Variants in ELAC1 observed in about 807,000 individuals in gnomAD.
The protein encoded by ELAC1 is elaC ribonuclease Z 1, also known as zinc phosphodiesterase ELAC protein 1.
Under a neutral mutation model 25.8 loss-of-function variants are expected in ELAC1, and 19 were observed. The ratio of observed to expected loss-of-function variants is 0.74; its 90% confidence interval spans 0.51 to 1.08. ELAC1 has a LOEUF of 1.08. ELAC1 is among the 50% of genes least tolerant of loss of function. The probability of loss-of-function intolerance (pLI) is 0.00; values close to 1 mark genes in which losing one functional copy is unlikely to be tolerated. For synonymous variants in ELAC1, 148 were observed against 160.9 expected (o/e 0.92, Z 0.61); for missense variants, 403 against 434.6 (o/e 0.93, Z 0.65).
chr18:50,971,912 G>GTGTGTA (rs1368489485), intron 1 of ELAC1, among the ~76,000 whole-genome samples: 1 of 76,542 alleles, frequency 1.3e-5, no homozygotes, highest in African/African-American at 4.9e-5. Flanking sequence ...GTGTGTGTGT[G>GTGTGTA]TATATATATA....
chr18:50,968,456 C>G (rs1214073758), intron 1 of ELAC1: 2 of 152,310 alleles, frequency 1.3e-5, no homozygotes, highest in Non-Finnish European at 2.9e-5. Context: ...ACAGCGATAT[C>G]TGCCCTAGGC....
rs906385715 is a variant in ELAC1, at chr18:50,987,450, C to T, written c.*365C>T. The T allele has an allele frequency of 4.0e-5, 7 of 174,596 alleles. No individual in the cohort carries two copies. The highest frequency in any genetic ancestry group is 3.0e-4 in the East Asian group (2 of 6,580). 10.8% of individuals were successfully genotyped at this position (174,596 alleles called of 1,614,324 possible). A position where few individuals can be genotyped will look rare whatever the true frequency, so the allele number is the denominator to read the frequency against. The stretch of plus-strand genomic sequence containing the variant: ...GGCAAAGAGCACAGGACTCAGCCCT[C>T]GTGGCTAAAAATGGTATTTTGGCAG... On this transcript the variant is annotated 3_prime_UTR_variant, in exon 4 of 4. Coordinates refer to ENST00000269466, the MANE Select transcript of ELAC1 (RefSeq NM_018696.3).
chr18:50,979,950 C>T (rs1178904447), intron 2 of ELAC1, among the ~76,000 whole-genome samples: 5 of 152,086 alleles, frequency 3.3e-5, no homozygotes, highest in African/African-American at 7.2e-5. Context: ...AGGCTGATGT[C>T]AAACTCCTGA....
Position 50,974,010 on chromosome 18 carries a change from C to T in ELAC1, c.-8-387C>T, listed in dbSNP as rs893197115. Among the ~76,000 whole-genome samples, 6 of 152,192 alleles carry T rather than the reference C, an allele frequency of 3.9e-5. 1 individual carries two copies. Among genetic ancestry groups the T allele is most frequent in the South Asian group, 4.1e-4 (2 of 4,830 alleles). On this transcript the variant is annotated intron_variant, in intron 1 of 3. Transcript: ENST00000269466. ...TCTGTCTTACTGTATCATACAGAATCGTTTCACTGCCTTAAACATCCCCTG... is the reference window on the plus strand; with the variant it reads ...TCTGTCTTACTGTATCATACAGAATTGTTTCACTGCCTTAAACATCCCCTG...
At chr18:50,979,553 G>A (rs984640523) in intron 2 of ELAC1, among the ~76,000 whole-genome samples, 1 of 152,154 alleles carries the variant, frequency 6.6e-6, no homozygotes, top group Non-Finnish European at 1.5e-5. Context: ...GTCCCATAAA[G>A]TAATCGCATT....
chr18:50,978,603 C>G (rs911286164), intron 2 of ELAC1, among the ~76,000 whole-genome samples: 41 of 152,012 alleles, frequency 2.7e-4, no homozygotes, highest in African/African-American at 9.9e-4. Context: ...AGCTACAGTT[C>G]AAGATGAGAT....
chr18:50,984,712 A>T, intron 3 of ELAC1, 149 bp downstream of exon 3: 1 of 643,638 alleles, frequency 1.6e-6, no homozygotes, highest in South Asian at 2.0e-5. Flanking sequence ...TGGGAGGATC[A>T]CTTGAGTTCG....
At position 50,987,023 on chromosome 18, in the gene ELAC1, G is replaced by T; in HGVS notation, c.1030G>T (p.Asp344Tyr). Reference protein sequence around the residue: ...ELKKQAESVLDLQEVTLAEDF... With the variant: ...ELKKQAESVLYLQEVTLAEDF... Reference sequence around the variant, plus strand: ...AAAAAAGCAAGCTGAATCAGTGTTAGATCTCCAAGAAGTGACTCTAGCAGA... The same window carrying T: ...AAAAAAGCAAGCTGAATCAGTGTTATATCTCCAAGAAGTGACTCTAGCAGA... The change falls in exon 4 of 4, where the codon GAT (aspartate) becomes TAT (tyrosine). Residue 344 changes from aspartate to tyrosine, a missense_variant. Transcript: ENST00000269466. 6.2e-7 allele frequency: 1 copy of T among 1,602,468 alleles called. No homozygotes were observed. Among genetic ancestry groups the T allele is most frequent in the Non-Finnish European group, 8.5e-7 (1 of 1,175,468 alleles).
Position 50,983,171 on chromosome 18 carries a change from T to G in ELAC1, c.158-925T>G, listed in dbSNP as rs1334475453. On this transcript the variant is annotated intron_variant, in intron 2 of 3. Transcript: ENST00000269466. ...TTACTTGGTGTTTTTTTTTTTTTTT[T>G]TTTTTTTTTTGAGACAGTTTCGCTC... Among the ~76,000 whole-genome samples the G allele has an allele frequency of 1.1e-4, 16 of 141,788 alleles. No individual in the cohort carries two copies. In the East Asian group the frequency reaches 3.3e-3, roughly 29 times the overall value. The allele number at this position is 141,788 out of a possible 152,430, so 93.0% of individuals were successfully genotyped here. A position where few individuals can be genotyped will look rare whatever the true frequency, so the allele number is the denominator to read the frequency against.
chr18:50,971,920 A>G (rs1245906470), intron 1 of ELAC1, among the ~76,000 whole-genome samples: 17 of 141,254 alleles, frequency 1.2e-4, no homozygotes, highest in Non-Finnish European at 2.2e-4. Context: ...GTGTATATAT[A>G]TATATATATA....
At chr18:50,979,401 C>G (rs1287256501) in intron 2 of ELAC1, among the ~76,000 whole-genome samples, 2 of 152,074 alleles carry the variant, frequency 1.3e-5, no homozygotes, top group African/African-American at 2.4e-5. Context: ...TTGGCAGAAC[C>G]CTTACAGTGG....
chr18:50,984,633 A>G, intron 3 of ELAC1, 70 bp downstream of exon 3: 1 of 1,164,750 alleles, frequency 8.6e-7, no homozygotes. Flanking sequence ...CTGAAGCTAT[A>G]AGAAATGTCA....
At position 50,984,319 on chromosome 18, in the gene ELAC1, A is replaced by C; in HGVS notation, c.381A>C (p.Ala127=). 6.2e-7 allele frequency: 1 copy of C among 1,614,222 alleles called. No homozygotes were observed. The highest frequency in any genetic ancestry group is 8.5e-7 in the Non-Finnish European group (1 of 1,180,026). The stretch of plus-strand genomic sequence containing the variant: ...TGGTTCATGAACTGGTTCCTACAGC[A>C]GATCAATGTCCTGCAGAAGAACTAA... ...HYVVHELVPT[A]DQCPAEELKE... Residue 127 remains alanine, a synonymous_variant, in exon 3 of 4, where the codon GCA becomes GCC. Transcript: ENST00000269466.
chr18:50,970,888 C>G (rs1330498396), intron 1 of ELAC1, among the ~76,000 whole-genome samples: 3 of 151,928 alleles, frequency 2.0e-5, no homozygotes, highest in East Asian at 1.9e-4. Context: ...ATCAGACTTT[C>G]TCTGTCTTAC....
At chr18:50,985,391 A>G (rs879863282) in intron 3 of ELAC1, among the ~76,000 whole-genome samples, 1 of 152,252 alleles carries the variant, frequency 6.6e-6, no homozygotes, top group African/African-American at 2.4e-5. Flanking sequence ...CCAGTTTTAG[A>G]TATCAGGGTT....
chr18:50,983,744 C>T (rs12607231), intron 2 of ELAC1, among the ~76,000 whole-genome samples: 50,357 of 148,850 alleles, frequency 0.34, 8,890 homozygotes, highest in East Asian at 0.41. Context: ...GTCCTAGCTA[C>T]TTGGGAGGCT....
At chr18:50,978,789 A>G (rs1354483817) in intron 2 of ELAC1, among the ~76,000 whole-genome samples, 1 of 152,184 alleles carries the variant, frequency 6.6e-6, no homozygotes, top group East Asian at 1.9e-4. Flanking sequence ...GTGAAGAATT[A>G]ATACAAGTTA....
intron 1 of ELAC1, among the ~76,000 whole-genome samples, chr18:50,970,127 A>G (rs752148284): frequency 6.6e-6 from 1 of 152,056 alleles, no homozygotes; most frequent in Non-Finnish European, 1.5e-5. Flanking sequence ...ATGCCTGGCT[A>G]ATTTTTTTAT....
At chr18:50,986,487 C>T in intron 3 of ELAC1, 132 bp from the exon 4 acceptor site, 1 of 723,768 alleles carries the variant, frequency 1.4e-6, no homozygotes, top group Admixed American at 2.9e-5. Flanking sequence ...TCCAGTTTTC[C>T]ACAAGTAGTA....
Sources: allele counts gnomAD v4.1 joint callset (sites outside exome capture counted in the v4.1 genomes callset), GRCh38; gene constraint gnomAD v4.1.1; transcripts MANE v1.5; gene names NCBI Gene and HGNC (gene_info 2026-07-23, HGNC 2026-07-21).